Variants in SNX29 observed in about 807,000 individuals in gnomAD.
SNX29 encodes sorting nexin-29.
In SNX29, 78 loss-of-function variants were observed where a neutral mutation model predicts 102.1. The ratio of observed to expected loss-of-function variants is 0.76; its 90% CI spans 0.64 to 0.92. The LOEUF (loss-of-function observed/expected upper bound fraction) is 0.92, where lower values mean the gene tolerates loss of function less well. SNX29 is among the 40% of genes least tolerant of loss of function. SNX29 has a pLI of 0.00. For missense variants in SNX29, 1,280 were observed against 1,061.7 expected (o/e 1.21, Z -2.86); for synonymous variants, 580 against 414.5 (o/e 1.40, Z -4.85).
chr16:12,063,872 C>A (rs897953663), intron 9 of SNX29, among the ~76,000 whole-genome samples: 3 of 151,966 alleles, frequency 2.0e-5, no homozygotes, highest in African/African-American at 7.3e-5. Context: ...CTAGACCATC[C>A]ATGGTCCAAA....
intron 16 of SNX29, among the ~76,000 whole-genome samples, chr16:12,383,834 A>G (rs1597175935): frequency 1.9e-5 from 2 of 107,086 alleles, no homozygotes; most frequent in South Asian, 5.4e-4. Flanking sequence ...TATTTTTTGT[A>G]CCCATTAGCC....
chr16:12,549,250 C>G (rs892223774), intron 20 of SNX29, among the ~76,000 whole-genome samples: 1 of 152,186 alleles, frequency 6.6e-6, no homozygotes, highest in Admixed American at 6.5e-5. Context: ...AATCCCAGCA[C>G]TTTGGGAGGC....
At chr16:12,239,910 C>G (rs1379902344) in intron 14 of SNX29, among the ~76,000 whole-genome samples, 1 of 152,104 alleles carries the variant, frequency 6.6e-6, no homozygotes, top group African/African-American at 2.4e-5. Flanking sequence ...CACTTGTAAT[C>G]TCATCACCCA....
At chr16:12,336,318 C>T (rs185023523) in intron 15 of SNX29, among the ~76,000 whole-genome samples, 131 of 152,212 alleles carry the variant, frequency 8.6e-4, no homozygotes, top group African/African-American at 2.8e-3. Context: ...ACACAGAAGC[C>T]GTAAATAAAT....
At chr16:12,120,842 C>G (rs184603584) in intron 11 of SNX29, among the ~76,000 whole-genome samples, 1 of 152,266 alleles carries the variant, frequency 6.6e-6, no homozygotes, top group East Asian at 1.9e-4. Flanking sequence ...CCTCCCCATG[C>G]CTGTCGCATT....
At chr16:12,492,370 T>A (rs1286549947) in intron 19 of SNX29, among the ~76,000 whole-genome samples, 1 of 152,196 alleles carries the variant, frequency 6.6e-6, no homozygotes, top group African/African-American at 2.4e-5. Context: ...CACTTTTTGA[T>A]GGGGTTGTTT....
intron 15 of SNX29, among the ~76,000 whole-genome samples, chr16:12,320,921 A>G (rs536507525): frequency 6.6e-6 from 1 of 152,308 alleles, no homozygotes; most frequent in South Asian, 2.1e-4. Context: ...CAGTGTTTAA[A>G]TGTTGATAAA....
At chr16:12,170,693 A>G (rs945876352) in intron 13 of SNX29, among the ~76,000 whole-genome samples, 5 of 151,822 alleles carry the variant, frequency 3.3e-5, no homozygotes, top group African/African-American at 1.2e-4. Context: ...AGTGGGTGGT[A>G]GACACGGTCC....
chr16:12,326,024 G>A (rs2081104403), intron 15 of SNX29, among the ~76,000 whole-genome samples: 1 of 151,730 alleles, frequency 6.6e-6, no homozygotes, highest in South Asian at 2.1e-4. Context: ...GGGAGACCCT[G>A]TCTTTTTTTC....
chr16:12,423,620 G>C (rs1239295717), intron 18 of SNX29, among the ~76,000 whole-genome samples: 1 of 152,156 alleles, frequency 6.6e-6, no homozygotes, highest in African/African-American at 2.4e-5. Flanking sequence ...GCCCAGGCTG[G>C]AGTGCAGTGG....
chr16:12,527,541 T>C, intron 20 of SNX29: 1 of 404,016 alleles, frequency 2.5e-6, no homozygotes, highest in South Asian at 2.5e-5. Context: ...CATTTTCCTG[T>C]GGATGTCAGC....
rs371598191 is a variant in SNX29, at chr16:12,233,273, T to C, written c.1678+33590T>C. Among the ~76,000 whole-genome samples the C allele has an allele frequency of 3.3e-4, 51 of 152,310 alleles. No homozygotes were observed. The South Asian group carries it at 0.01, about 31-fold the overall frequency. ...CTATACAGCCTTAAAAAGAATGAAATCTTGCCCTTTGCAGCAGTATGAATG... is the reference window on the plus strand; with the variant it reads ...CTATACAGCCTTAAAAAGAATGAAACCTTGCCCTTTGCAGCAGTATGAATG... On this transcript the variant is annotated intron_variant, in intron 14 of 20. Coordinates refer to ENST00000566228, the MANE Select transcript of SNX29 (RefSeq NM_032167.5).
At chr16:12,375,652 A>G (rs746441643) in intron 16 of SNX29, 2 of 152,268 alleles carry the variant, frequency 1.3e-5, no homozygotes, top group African/African-American at 2.4e-5. Flanking sequence ...TTTCTTGCCT[A>G]TCCAGGCCTC....
intron 11 of SNX29, among the ~76,000 whole-genome samples, chr16:12,108,072 AT>A (rs1567212731): frequency 6.6e-6 from 1 of 152,208 alleles, no homozygotes. Flanking sequence ...TTTGACATCA[AT>A]TGCTCTTTGC....
chr16:12,545,549 T>A (rs999269123), intron 20 of SNX29: 3 of 152,136 alleles, frequency 2.0e-5, no homozygotes, highest in African/African-American at 4.8e-5. Flanking sequence ...GCAGACGACT[T>A]ATGGAGAAAC....
chr16:12,421,949 C>T (rs1327967034), intron 18 of SNX29, among the ~76,000 whole-genome samples: 7 of 150,438 alleles, frequency 4.7e-5, no homozygotes, highest in Non-Finnish European at 8.9e-5. Context: ...CATCCATCAC[C>T]ATCATCAACC....
intron 14 of SNX29, among the ~76,000 whole-genome samples, chr16:12,230,394 C>T (rs1312057304): frequency 6.6e-6 from 1 of 152,210 alleles, no homozygotes; most frequent in Non-Finnish European, 1.5e-5. Flanking sequence ...GCTGGACCTG[C>T]AGTAGTACTG....
intron 2 of SNX29, 133 bp downstream of exon 2, chr16:11,999,491 A>AT: frequency 1.1e-6 from 1 of 879,384 alleles, no homozygotes. Context: ...TGATCTACTC[A>AT]TTTTTCCCAG....
At chr16:12,307,891 C>T (rs936598875) in intron 15 of SNX29, among the ~76,000 whole-genome samples, 7 of 152,326 alleles carry the variant, frequency 4.6e-5, no homozygotes, top group Admixed American at 4.6e-4. Flanking sequence ...AACTCCTGGC[C>T]CACCAAGAGA....
Sources: allele counts gnomAD v4.1 joint callset (sites outside exome capture counted in the v4.1 genomes callset), GRCh38; gene constraint gnomAD v4.1.1; transcripts MANE v1.5; gene names NCBI Gene and HGNC (gene_info 2026-07-23, HGNC 2026-07-21).